PXMP2: variants seen among roughly 807,000 people sequenced by gnomAD.
PXMP2 encodes the protein peroxisomal membrane protein 2, also known as 22 kDa peroxisomal membrane protein.
Under a neutral mutation model 20.2 loss-of-function variants are expected in PXMP2, and 13 were observed. The ratio of observed to expected loss-of-function variants is 0.64; its 90% CI spans 0.42 to 1.02. PXMP2 has a LOEUF of 1.02. Among genes scored for constraint, PXMP2 ranks in the 50% least tolerant of loss-of-function variants. The pLI, the probability that PXMP2 is intolerant of heterozygous loss-of-function variation, is 0.00. For missense variants in PXMP2, 284 were observed against 251.8 expected, an observed-to-expected ratio of 1.13 and a Z score of -0.87; for synonymous variants, 113 against 111.2, an observed-to-expected ratio of 1.02 and a Z score of -0.10.
chr12:132,702,475 A>AC, intron 4 of PXMP2: 1 of 408,750 alleles, frequency 2.4e-6, no homozygotes, highest in African/African-American at 2.1e-5. Flanking sequence ...GGGGTGCAGC[A>AC]CCCCCTGCAG....
chr12:132,697,463 A>G (rs1257057689), intron 3 of PXMP2, among the ~76,000 whole-genome samples: 1 of 151,638 alleles, frequency 6.6e-6, no homozygotes, highest in Non-Finnish European at 1.5e-5. Context: ...GCTGGAGTGC[A>G]GTGGTGCGAT....
At chr12:132,704,597 G>T (rs1438767267) in intron 4 of PXMP2, 22 bp from the exon 5 acceptor site, 8 of 1,429,150 alleles carry the variant, frequency 5.6e-6, no homozygotes, top group Non-Finnish European at 6.5e-6. Context: ...ACCGTGGCCT[G>T]TTGGACTGTT....
At chr12:132,688,119 A>T in intron 1 of PXMP2, 1 of 165,648 alleles carries the variant, frequency 6.0e-6, no homozygotes, top group Non-Finnish European at 1.3e-5. Context: ...GCGGGTCCGC[A>T]GGCGCGGGTG....
At chr12:132,697,637 A>G (rs1428035483) in intron 3 of PXMP2, among the ~76,000 whole-genome samples, 4 of 151,874 alleles carry the variant, frequency 2.6e-5, no homozygotes, top group Admixed American at 2.6e-4. Flanking sequence ...TGAACTCCTG[A>G]CCTCGTGATC....
intron 2 of PXMP2, among the ~76,000 whole-genome samples, chr12:132,690,681 G>T (rs1463391748): frequency 1.4e-4 from 21 of 152,056 alleles, no homozygotes; most frequent in Admixed American, 1.4e-3. Context: ...AAATAGCTGG[G>T]ATTACAGGCA....
In PXMP2 at chr12:132,696,191, A is replaced by T. The variant is rs146682017; in HGVS notation, c.399+145A>T. 4.5e-4 allele frequency: 403 copies of T among 894,694 alleles called. 3 individuals are homozygous for T. The East Asian group carries it at 7.9e-3, about 17-fold the overall frequency. The allele number at this position is 894,694 out of a possible 1,614,324, so 55.4% of individuals were successfully genotyped here. On this transcript the variant is annotated intron_variant, in intron 3 of 4. Coordinates refer to ENST00000317479, the MANE Select transcript of PXMP2 (RefSeq NM_018663.3). This position sits in a 1 kb window ranked among gnomAD's most constrained non-coding sequence, Gnocchi z 4.4. ...TTTCTTTTATGAATATAGGAAGCAAACATCTAGTATTGGCAGGACCTGTTT... is the reference window on the plus strand; with the variant it reads ...TTTCTTTTATGAATATAGGAAGCAATCATCTAGTATTGGCAGGACCTGTTT...
rs191810150 is a variant in PXMP2 at position 132,704,823 on chromosome 12, T to C, written c.*136T>C. ...ATTCAAGATGCCCAAAAATGATGGA[T>C]AGAGAAACAGAAATCTCTGAATGTC... On this transcript the variant is annotated 3_prime_UTR_variant, in exon 5 of 5. Transcript: ENST00000317479. The C allele has an allele frequency of 6.6e-5, 55 of 838,688 alleles. No homozygotes were observed. The African/African-American group carries it at 6.7e-4, about 10-fold the overall frequency. The allele number at this position is 838,688 out of a possible 1,614,324, so 52.0% of individuals were successfully genotyped here. A position where few individuals can be genotyped will look rare whatever the true frequency, so the allele number is the denominator to read the frequency against.
chr12:132,700,957 C>G (rs985756533), intron 3 of PXMP2, among the ~76,000 whole-genome samples: 19 of 151,324 alleles, frequency 1.3e-4, no homozygotes, highest in Non-Finnish European at 1.5e-5. Flanking sequence ...AGTTCTGGTG[C>G]CCAGGGCCAG....
At chr12:132,687,954 G>T in intron 1 of PXMP2, 162 bp downstream of exon 1, 1 of 659,912 alleles carries the variant, frequency 1.5e-6, no homozygotes. Flanking sequence ...TTCCCGCGGC[G>T]ACACCCGCGT....
chr12:132,690,475 T>A, intron 2 of PXMP2, 99 bp downstream of exon 2: 1 of 900,672 alleles, frequency 1.1e-6, no homozygotes, highest in Non-Finnish European at 1.7e-6. Flanking sequence ...TTTGGAAATA[T>A]AATTTTTTAA....
chr12:132,699,526 C>CTTT (rs67730658), intron 3 of PXMP2, among the ~76,000 whole-genome samples: 1,449 of 100,486 alleles, frequency 0.014, 57 homozygotes, highest in African/African-American at 0.051. Flanking sequence ...AAAAGACATG[C>CTTT]TTTTTTTTTT....
At position 132,701,598 on chromosome 12, in the gene PXMP2, A is replaced by G. The variant is rs901719860; in HGVS notation, c.519+229A>G. On this transcript the variant is annotated intron_variant, in intron 4 of 4. Transcript: ENST00000317479. ...TAGTTCGGGATTCAGGAAGCAACAGAGAAGGGTGTCCCGAGTGGTCGTCTT... is the reference window on the plus strand; with the variant it reads ...TAGTTCGGGATTCAGGAAGCAACAGGGAAGGGTGTCCCGAGTGGTCGTCTT... 3 of 578,246 alleles carry G rather than the reference A, an allele frequency of 5.2e-6. No individual in the cohort carries two copies. In the African/African-American group the frequency reaches 5.9e-5, roughly 11 times the overall value. 35.8% of individuals were successfully genotyped at this position (578,246 alleles called of 1,614,324 possible). A position where few individuals can be genotyped will look rare whatever the true frequency, so the allele number is the denominator to read the frequency against.
At chr12:132,693,685 CAGTT>C (rs1399004931) in intron 2 of PXMP2, among the ~76,000 whole-genome samples, 6 of 137,948 alleles carry the variant, frequency 4.3e-5, no homozygotes, top group East Asian at 4.4e-4. Context: ...GCGCCCTTGC[CAGTT>C]AGTTAGTGAG....
intron 4 of PXMP2, among the ~76,000 whole-genome samples, chr12:132,702,127 C>T (rs886319585): frequency 1.3e-5 from 2 of 152,200 alleles, no homozygotes; most frequent in Admixed American, 6.5e-5. Flanking sequence ...ACAAAGCATT[C>T]GTGGTCCCTG....
At chr12:132,693,434 CAGTT>C (rs1234004940) in intron 2 of PXMP2, among the ~76,000 whole-genome samples, 1 of 43,750 alleles carries the variant, frequency 2.3e-5, no homozygotes, top group Non-Finnish European at 5.4e-5. Flanking sequence ...GCTCCCTTGC[CAGTT>C]AGTTAGTGAG....
At chr12:132,700,621 G>A (rs1357777850) in intron 3 of PXMP2, among the ~76,000 whole-genome samples, 1 of 152,140 alleles carries the variant, frequency 6.6e-6, no homozygotes, top group Non-Finnish European at 1.5e-5. Flanking sequence ...TTCCCAGGCT[G>A]TAGACTGTCT....
At chr12:132,698,609 C>T (rs2043422752) in intron 3 of PXMP2, among the ~76,000 whole-genome samples, 1 of 152,176 alleles carries the variant, frequency 6.6e-6, no homozygotes, top group South Asian at 2.1e-4. Context: ...CAATTATCTG[C>T]ACTCTTTGTT....
chr12:132,702,797 G>A (rs2043450018), intron 4 of PXMP2, among the ~76,000 whole-genome samples: 1 of 152,194 alleles, frequency 6.6e-6, no homozygotes, highest in Non-Finnish European at 1.5e-5. Flanking sequence ...CAGCTGCAGA[G>A]GGCCTTCCTG....
chr12:132,688,086 C>T (rs2043321938), intron 1 of PXMP2: 1 of 203,118 alleles, frequency 4.9e-6, no homozygotes, highest in Non-Finnish European at 9.8e-6. Context: ...CCCCGCGCGC[C>T]CGGGGAAGCC....
Sources: gnomAD v4.1 joint callset for allele counts (sites outside exome capture counted in the v4.1 genomes callset) on GRCh38, gnomAD v4.1.1 for gene constraint, Gnocchi (gnomAD v3.1) non-coding constraint, MANE v1.5 for transcripts, NCBI Gene and HGNC (gene_info 2026-07-23, HGNC 2026-07-21) for gene names.